Variants in WDR86 observed in about 807,000 individuals in gnomAD.
The protein encoded by WDR86 is WD repeat domain 86.
In WDR86, 30 loss-of-function variants were observed where a neutral mutation model predicts 36.5. The ratio of observed to expected loss-of-function variants is 0.82; its 90% CI spans 0.61 to 1.11. The LOEUF (loss-of-function observed/expected upper bound fraction) is 1.11, where lower values mean the gene tolerates loss of function less well. WDR86 is among the 50% of genes most tolerant of loss of function. WDR86 has a pLI of 0.00. For missense variants in WDR86, 545 were observed against 561.2 expected, an observed-to-expected ratio of 0.97 and a Z score of 0.29; for synonymous variants, 255 against 252.9, an observed-to-expected ratio of 1.01 and a Z score of -0.08.
At chr7:151,394,392 G>A (rs193177128) in intron 3 of WDR86, among the ~76,000 whole-genome samples, 1 of 152,210 alleles carries the variant, frequency 6.6e-6, no homozygotes, top group Non-Finnish European at 1.5e-5. Flanking sequence ...TGAGCACAGC[G>A]AAGCCTGATC....
At chr7:151,403,836 C>T (rs964077660) in intron 1 of WDR86, among the ~76,000 whole-genome samples, 1 of 152,202 alleles carries the variant, frequency 6.6e-6, no homozygotes, top group Non-Finnish European at 1.5e-5. Flanking sequence ...GAGGGCTCAG[C>T]AGAGAGATTG....
chr7:151,381,146 T>C lies in WDR86; in HGVS notation c.*436A>G, dbSNP rs527461801. On this transcript the variant is annotated 3_prime_UTR_variant, in exon 6 of 6. Transcript: ENST00000334493. The surrounding 1 kb of genome is among the most constrained non-coding windows in gnomAD (Gnocchi z 4.8). The stretch of plus-strand genomic sequence containing the variant: ...CACTTTTAACGTTCAGGCTGTATAT[T>C]TCAGTTCCCCCCAAGGCCCTCGAGA... 1.6e-6 allele frequency: 2 copies of C among 1,241,148 alleles called. No individual in the cohort carries two copies. The highest frequency in any genetic ancestry group is 2.0e-6 in the Non-Finnish European group (2 of 994,472). The allele number at this position is 1,241,148 out of a possible 1,614,324, so 76.9% of individuals were successfully genotyped here. A position where few individuals can be genotyped will look rare whatever the true frequency, so the allele number is the denominator to read the frequency against.
At chr7:151,385,950 C>G (rs1490213146) in intron 3 of WDR86, among the ~76,000 whole-genome samples, 1 of 152,176 alleles carries the variant, frequency 6.6e-6, no homozygotes, top group East Asian at 1.9e-4. Flanking sequence ...GCACTCCCAG[C>G]CAGCACCTCT....
downstream of WDR86, among the ~76,000 whole-genome samples, chr7:151,378,815 G>A (rs1049584060): frequency 5.3e-5 from 8 of 152,228 alleles, no homozygotes; most frequent in South Asian, 4.1e-4. Flanking sequence ...TGGTTCAGGC[G>A]TGTCTTCTAG....
chr7:151,385,411 GC>G, intron 3 of WDR86, 188 bp from the exon 4 acceptor site: 2 of 995,702 alleles, frequency 2.0e-6, no homozygotes, highest in Non-Finnish European at 2.9e-6. Flanking sequence ...GGCTGCTCCT[GC>G]CCCATGGGGC....
Position 151,388,678 on chromosome 7 carries a change from G to A in WDR86, c.727-3455C>T, listed in dbSNP as rs939346707. ...AGGCAGAGGCCCCTCTGGGCACGGT[G>A]GTTTCTCAGGACCTCACCTCTGCTT... On this transcript the variant is annotated intron_variant, in intron 3 of 5. Coordinates refer to ENST00000334493, the MANE Select transcript of WDR86 (RefSeq NM_198285.3). This position sits in a 1 kb window ranked among gnomAD's most constrained non-coding sequence, Gnocchi z 4.2. Among the ~76,000 whole-genome samples, 2 of 152,240 alleles carry A rather than the reference G, an allele frequency of 1.3e-5. No individual in the cohort carries two copies. The highest frequency in any genetic ancestry group is 2.4e-5 in the African/African-American group (1 of 41,468).
chr7:151,376,366 G>A (rs941267447), downstream of WDR86: 5 of 508,878 alleles, frequency 9.8e-6, no homozygotes, highest in Admixed American at 1.7e-4. Context: ...TGCTCGTGGT[G>A]AGGCTGGTGT....
intron 3 of WDR86, among the ~76,000 whole-genome samples, chr7:151,387,039 G>A (rs993302632): frequency 2.0e-5 from 3 of 152,188 alleles, no homozygotes; most frequent in African/African-American, 7.2e-5. Flanking sequence ...CCAGCGCAGC[G>A]TTTCCTGGCC....
In WDR86 at chr7:151,386,147, C is replaced by T. The variant is rs979798349; in HGVS notation, c.727-924G>A. On this transcript the variant is annotated intron_variant, in intron 3 of 5. Coordinates refer to ENST00000334493, the MANE Select transcript of WDR86 (RefSeq NM_198285.3). ...GCACACAGGGCATTTCTCCTGTGGTCGGCAGGCAGTGGGCCCACCGGCAGG... is the reference window on the plus strand; with the variant it reads ...GCACACAGGGCATTTCTCCTGTGGTTGGCAGGCAGTGGGCCCACCGGCAGG... 2.5e-4 allele frequency among the ~76,000 whole-genome samples: 38 copies of T among 152,184 alleles called. 1 individual carries two copies. Among genetic ancestry groups the T allele is most frequent in the Middle Eastern group, 3.4e-3 (1 of 294 alleles).
rs565097200 is a variant in WDR86 at position 151,408,903 on chromosome 7, T to G, written c.163+524A>C. On this transcript the variant is annotated intron_variant, in intron 1 of 5. Transcript: ENST00000334493. ...GCGAATTACTTAACTCCCAGCCTGT[T>G]TCCACGTCTGTATGTGGGGTAACAT... 30 of 471,242 alleles carry G rather than the reference T, an allele frequency of 6.4e-5. 1 individual carries two copies. Among genetic ancestry groups the G allele is most frequent in the South Asian group, 4.3e-4 (28 of 64,568 alleles). The allele number at this position is 471,242 out of a possible 1,614,324, so 29.2% of individuals were successfully genotyped here. A position where few individuals can be genotyped will look rare whatever the true frequency, so the allele number is the denominator to read the frequency against.
At chr7:151,410,127 A>G, upstream of WDR86, 9 of 963,564 alleles carry the variant, frequency 9.3e-6, no homozygotes, top group South Asian at 4.3e-4. Context: ...GCGCGCCTGC[A>G]GCCTCCCCCC....
At chr7:151,377,024 A>G, downstream of WDR86, 1 of 1,511,372 alleles carries the variant, frequency 6.6e-7, no homozygotes, top group South Asian at 1.3e-5. Flanking sequence ...TAATTCACTT[A>G]CTCCTGCGGT....
rs765353860 is a variant in WDR86, at chr7:151,385,345, G to A, written c.727-122C>T. The A allele has an allele frequency of 1.8e-5, 26 of 1,477,992 alleles. No individual in the cohort carries two copies. The African/African-American group carries it at 2.8e-4, about 16-fold the overall frequency. The allele number at this position is 1,477,992 out of a possible 1,614,324, so 91.6% of individuals were successfully genotyped here. A position where few individuals can be genotyped will look rare whatever the true frequency, so the allele number is the denominator to read the frequency against. Reference sequence around the variant, plus strand: ...AGTGGTGAAACCATGGGTGAGCCTCGAATGGCCCCGCCACCGGCCCCACCA... The same window carrying A: ...AGTGGTGAAACCATGGGTGAGCCTCAAATGGCCCCGCCACCGGCCCCACCA... On this transcript the variant is annotated intron_variant, in intron 3 of 5. Coordinates refer to ENST00000334493, the MANE Select transcript of WDR86 (RefSeq NM_198285.3).
At chr7:151,387,241 C>A (rs1224689026) in intron 3 of WDR86, among the ~76,000 whole-genome samples, 3 of 152,170 alleles carry the variant, frequency 2.0e-5, no homozygotes, top group Non-Finnish European at 2.9e-5. Context: ...ACCAAGGAGG[C>A]TTCCTGGGTG....
intron 2 of WDR86, among the ~76,000 whole-genome samples, chr7:151,396,693 G>GC (rs56278992): frequency 1 from 152,324 of 152,324 alleles, 76,162 homozygotes; most frequent in Non-Finnish European, 1. Context: ...AAGTGGCTGG[G>GC]CAGGGCACTT....
At chr7:151,370,846 A>G in the WDR86 span, among the ~76,000 whole-genome samples, 1 of 152,134 alleles carries the variant, frequency 6.6e-6, no homozygotes, top group African/African-American at 2.4e-5. Context: ...AGATTTTATT[A>G]GCATCTGGAA....
chr7:151,395,893 C>T lies in WDR86; in HGVS notation c.609G>A (p.Thr203=), dbSNP rs368634471. 15 of 1,602,184 alleles carry T rather than the reference C, an allele frequency of 9.4e-6. No individual in the cohort carries two copies. The highest frequency in any genetic ancestry group is 2.7e-5 in the African/African-American group (2 of 74,732). Residue 203 remains threonine (T), a synonymous_variant, in exon 3 of 6, where the codon ACG becomes ACA. Coordinates refer to ENST00000334493, the MANE Select transcript of WDR86 (RefSeq NM_198285.3). The part of the protein sequence containing the change: ...TGAVLCLVLD[T]PGHTAFTGST... Reference sequence around the variant, plus strand: ...TGCCTGTGAAGGCCGTGTGGCCGGGCGTGTCTAGCACTAGGCACAGCACTG... The same window carrying T: ...TGCCTGTGAAGGCCGTGTGGCCGGGTGTGTCTAGCACTAGGCACAGCACTG...
At chr7:151,369,038 C>CAAGA in the WDR86 span, 4 of 896,054 alleles carry the variant, frequency 4.5e-6, no homozygotes, top group Non-Finnish European at 6.4e-6. Context: ...GACAGAGTCT[C>CAAGA]ACTTTGTCAT....
rs769802259 is a variant in WDR86 at position 151,409,514 on chromosome 7, C to T, written c.76G>A (p.Asp26Asn). Residue 26 changes from aspartate (D) to asparagine (N), a missense_variant, in exon 1 of 6, where the codon GAC becomes AAC. Transcript: ENST00000334493. The surrounding 1 kb of genome is among the most constrained non-coding windows in gnomAD (Gnocchi z 5.2). ...GGINWLSLSP[D>N]GQRLLTGSED... The stretch of plus-strand genomic sequence containing the variant: ...CTGCCCGTCAGCAGGCGCTGCCCGT[C>T]GGGGCTCAGGCTCAGCCAGTTGATG... 7.8e-6 allele frequency: 12 copies of T among 1,531,706 alleles called. No homozygotes were observed. Among genetic ancestry groups the T allele is most frequent in the East Asian group, 2.5e-5 (1 of 40,810 alleles). The allele number at this position is 1,531,706 out of a possible 1,614,324, so 94.9% of individuals were successfully genotyped here.
Sources: gnomAD v4.1 joint callset for allele counts (sites outside exome capture counted in the v4.1 genomes callset) on GRCh38, gnomAD v4.1.1 for gene constraint, Gnocchi (gnomAD v3.1) non-coding constraint, MANE v1.5 for transcripts, NCBI Gene and HGNC (gene_info 2026-07-23, HGNC 2026-07-21) for gene names.